ATF7IP: variants seen among roughly 807,000 people sequenced by gnomAD.
The protein encoded by ATF7IP is activating transcription factor 7 interacting protein.
In ATF7IP, 23 loss-of-function variants were observed where a neutral mutation model predicts 106.4. That is an observed-to-expected ratio of 0.22 (90% CI 0.16 to 0.31). ATF7IP has a LOEUF of 0.31. Ranked by LOEUF, ATF7IP falls within the 10% of genes least tolerant of loss-of-function variation. The probability of loss-of-function intolerance (pLI) is 1.00; values close to 1 mark genes in which losing one functional copy is unlikely to be tolerated. For missense variants in ATF7IP, 1,334 were observed against 1,524.3 expected, an observed-to-expected ratio of 0.88 and a Z score of 2.08; for synonymous variants, 542 against 539.0, an observed-to-expected ratio of 1.01 and a Z score of -0.08.
At chr12:14,428,078 A>G (rs559457351) in intron 2 of ATF7IP, among the ~76,000 whole-genome samples, 8 of 152,298 alleles carry the variant, frequency 5.3e-5, no homozygotes, top group East Asian at 1.9e-4. Context: ...TCCATTTCCT[A>G]TAAGTGTCTA....
At chr12:14,374,107 T>C (rs12829461) in intron 1 of ATF7IP, among the ~76,000 whole-genome samples, 3,053 of 151,432 alleles carry the variant, frequency 0.02, 34 homozygotes, top group Middle Eastern at 0.031. Flanking sequence ...CTTTTTTTTT[T>C]TTTAATTGAG....
At chr12:14,494,322 TATATATATA>T (rs1252547072) in intron 13 of ATF7IP, among the ~76,000 whole-genome samples, 3 of 117,754 alleles carry the variant, frequency 2.5e-5, no homozygotes, top group Non-Finnish European at 3.5e-5. Context: ...TATATATATA[TATATATATA>T]TATGTGTGTG....
chr12:14,494,332 T>TATATATATATATTC (rs1158646205), intron 13 of ATF7IP, among the ~76,000 whole-genome samples: 4 of 115,760 alleles, frequency 3.5e-5, no homozygotes, highest in African/African-American at 6.6e-5. Flanking sequence ...TATATATATA[T>TATATATATATATTC]ATGTGTGTGT....
At chr12:14,433,888 A>G (rs990886789) in intron 2 of ATF7IP, among the ~76,000 whole-genome samples, 1 of 152,138 alleles carries the variant, frequency 6.6e-6, no homozygotes, top group Non-Finnish European at 1.5e-5. Context: ...TGAACTCTCT[A>G]TACCATAAGC....
intron 5 of ATF7IP, among the ~76,000 whole-genome samples, chr12:14,444,177 A>G (rs1942845450): frequency 6.6e-6 from 1 of 152,206 alleles, no homozygotes; most frequent in Admixed American, 6.5e-5. Context: ...GACTTAGAAA[A>G]TGCCATTTTA....
At position 14,498,706 on chromosome 12, in the gene ATF7IP, T is replaced by C. The variant is rs1157213948; in HGVS notation, c.*633T>C. On this transcript the variant is annotated 3_prime_UTR_variant, in exon 15 of 15. Coordinates refer to ENST00000261168, the MANE Select transcript of ATF7IP (RefSeq NM_018179.5). ...CTGGCTTTTACATTTATTTTGTGCC[T>C]TAAAGATTAACTACAAAGATAAACA... The C allele has an allele frequency of 6.6e-6, 1 of 152,626 alleles. No homozygotes were observed. 9.5% of individuals were successfully genotyped at this position (152,626 alleles called of 1,614,324 possible). A position where few individuals can be genotyped will look rare whatever the true frequency, so the allele number is the denominator to read the frequency against.
chr12:14,474,103 C>G (rs1189618471), intron 10 of ATF7IP, among the ~76,000 whole-genome samples: 1 of 151,638 alleles, frequency 6.6e-6, no homozygotes, highest in Non-Finnish European at 1.5e-5. Flanking sequence ...TTCTTTAGAT[C>G]TTTGTTTCTT....
At chr12:14,371,646 T>C (rs1239457359) in intron 1 of ATF7IP, among the ~76,000 whole-genome samples, 1 of 152,106 alleles carries the variant, frequency 6.6e-6, no homozygotes, top group Admixed American at 6.5e-5. Flanking sequence ...AACTTAGTTA[T>C]GAGGCTATTT....
At chr12:14,463,920 A>T (rs1363033840) in intron 9 of ATF7IP, among the ~76,000 whole-genome samples, 1 of 152,232 alleles carries the variant, frequency 6.6e-6, no homozygotes, top group African/African-American at 2.4e-5. Flanking sequence ...TTACTAAACT[A>T]GATATTAAAA....
At position 14,434,394 on chromosome 12, in the gene ATF7IP, A is replaced by G. The variant is rs757104709; in HGVS notation, c.1616A>G (p.His539Arg). Residue 539 changes from histidine to arginine, a missense_variant, in exon 3 of 15, where the codon CAT becomes CGT. Physicochemically the swap from His to Arg is conservative, Grantham distance 29 (BLOSUM62 0). Around this residue, in one of 10 missense-constraint regions of ATF7IP, gnomAD observed 119 missense variants for 117.8 expected, o/e 1.01. Transcript: ENST00000261168. ...CCTGAGGAAGAAGAGCAAGTAATAC[A>G]TGAAGATGATGAAAGACCTTCTGAG... ...NKPEEEEQVI[H>R]EDDERPSEKN... 60 of 1,588,512 alleles carry G rather than the reference A, an allele frequency of 3.8e-5. 1 individual carries two copies. The South Asian group carries it at 5.7e-4, about 15-fold the overall frequency.
intron 1 of ATF7IP, among the ~76,000 whole-genome samples, chr12:14,411,782 TGAA>T (rs1056382009): frequency 6.6e-6 from 1 of 152,160 alleles, no homozygotes; most frequent in African/African-American, 2.4e-5. Context: ...TTAATTTTGA[TGAA>T]GTTCAGTTAA....
intron 10 of ATF7IP, among the ~76,000 whole-genome samples, chr12:14,473,806 G>GGT (rs1274546756): frequency 5.5e-5 from 8 of 146,268 alleles, no homozygotes; most frequent in Admixed American, 3.4e-4. Flanking sequence ...ATTCTTAAAG[G>GGT]TTTTTTTTTT....
At chr12:14,398,537 G>C (rs892707928) in intron 1 of ATF7IP, among the ~76,000 whole-genome samples, 2 of 148,642 alleles carry the variant, frequency 1.3e-5, no homozygotes, top group African/African-American at 4.9e-5. Flanking sequence ...GGTCAATATT[G>C]ATGTACATTG....
At chr12:14,455,296 C>G (rs1383548630) in intron 6 of ATF7IP, among the ~76,000 whole-genome samples, 1 of 150,714 alleles carries the variant, frequency 6.6e-6, no homozygotes, top group African/African-American at 2.4e-5. Flanking sequence ...TTTTAATGTG[C>G]TTTTCTCTTG....
chr12:14,446,566 C>T (rs1300665509), intron 5 of ATF7IP, among the ~76,000 whole-genome samples: 1 of 152,216 alleles, frequency 6.6e-6, no homozygotes, highest in Non-Finnish European at 1.5e-5. Flanking sequence ...AAAGCCTATA[C>T]ATCCATCCAT....
intron 1 of ATF7IP, among the ~76,000 whole-genome samples, chr12:14,390,784 T>G (rs113836157): frequency 1.3e-5 from 2 of 152,236 alleles, no homozygotes; most frequent in Non-Finnish European, 2.9e-5. Flanking sequence ...TAATTTAACA[T>G]TTACAGTGTC....
rs1344397604 is a variant in ATF7IP, at chr12:14,498,170, C to T, written c.*97C>T. 4.1e-6 allele frequency: 5 copies of T among 1,232,638 alleles called. No individual in the cohort carries two copies. In the South Asian group the frequency reaches 7.4e-5, roughly 18 times the overall value. The allele number at this position is 1,232,638 out of a possible 1,614,324, so 76.4% of individuals were successfully genotyped here. A position where few individuals can be genotyped will look rare whatever the true frequency, so the allele number is the denominator to read the frequency against. On this transcript the variant is annotated 3_prime_UTR_variant, in exon 15 of 15. Transcript: ENST00000261168. Reference sequence around the variant, plus strand: ...TACCCCATGTAAAATCCACCTTGTGCAAGATTTCTTGGACAGATGTGTGTA... The same window carrying T: ...TACCCCATGTAAAATCCACCTTGTGTAAGATTTCTTGGACAGATGTGTGTA...
chr12:14,432,078 C>G (rs563097053), intron 2 of ATF7IP, among the ~76,000 whole-genome samples: 1 of 152,066 alleles, frequency 6.6e-6, no homozygotes, highest in Non-Finnish European at 1.5e-5. Flanking sequence ...GAAGAAATCT[C>G]AAGCTGAGCT....
At chr12:14,369,422 T>G (rs968228050) in intron 1 of ATF7IP, 1 of 152,244 alleles carries the variant, frequency 6.6e-6, no homozygotes, top group African/African-American at 2.4e-5. Flanking sequence ...TGGTGTGATT[T>G]TGGCTCACTG....
Sources: gnomAD v4.1 joint callset for allele counts (sites outside exome capture counted in the v4.1 genomes callset) on GRCh38, gnomAD v4.1.1 for gene constraint, gnomAD v4.1.1 regional missense constraint, MANE v1.5 for transcripts, NCBI Gene and HGNC (gene_info 2026-07-23, HGNC 2026-07-21) for gene names.